The following GFRA1 variants were observed in gnomAD, a reference collection of about 807,000 sequenced individuals.
GFRA1 encodes the protein GDNF family receptor alpha-1.
Under a neutral mutation model 51.6 loss-of-function variants are expected in GFRA1, and 16 were observed. The observed-to-expected ratio is 0.31, with a 90% CI of 0.21 to 0.47. The LOEUF is 0.47. Ranked by LOEUF, GFRA1 falls within the 20% of genes least tolerant of loss-of-function variation. The probability of loss-of-function intolerance (pLI) is 1.00; values close to 1 mark genes in which losing one functional copy is unlikely to be tolerated. For synonymous variants in GFRA1, 270 were observed against 241.3 expected, an observed-to-expected ratio of 1.12 and a Z score of -1.10; for missense variants, 530 against 594.3, an observed-to-expected ratio of 0.89 and a Z score of 1.13.
chr10:116,161,370 G>A (rs1486059407), intron 5 of GFRA1, among the ~76,000 whole-genome samples: 1 of 152,134 alleles, frequency 6.6e-6, no homozygotes, highest in East Asian at 1.9e-4. Flanking sequence ...TTATGATGAG[G>A]ACCACCATGT....
At chr10:116,249,054 G>A (rs907212755) in intron 4 of GFRA1, among the ~76,000 whole-genome samples, 1 of 152,094 alleles carries the variant, frequency 6.6e-6, no homozygotes, top group Non-Finnish European at 1.5e-5. Context: ...CCGCCCCTTT[G>A]CCCCACACAA....
intron 6 of GFRA1, among the ~76,000 whole-genome samples, chr10:116,115,850 C>G (rs1013128404): frequency 2.0e-5 from 3 of 152,112 alleles, no homozygotes; most frequent in Non-Finnish European, 4.4e-5. Flanking sequence ...TTCACGAGTG[C>G]TAGCAGGAGG....
At chr10:116,072,311 C>T (rs533481488) in intron 9 of GFRA1, among the ~76,000 whole-genome samples, 7 of 152,216 alleles carry the variant, frequency 4.6e-5, no homozygotes, top group African/African-American at 1.2e-4. Flanking sequence ...TAGTGTGGCC[C>T]GTGGAGTGGG....
intron 5 of GFRA1, among the ~76,000 whole-genome samples, chr10:116,158,098 T>C (rs2134165375): frequency 6.6e-6 from 1 of 152,310 alleles, no homozygotes; most frequent in African/African-American, 2.4e-5. Context: ...TCAGGAATAG[T>C]CCCTGAACTG....
intron 5 of GFRA1, among the ~76,000 whole-genome samples, chr10:116,185,120 A>G (rs1286065929): frequency 6.6e-6 from 1 of 152,136 alleles, no homozygotes; most frequent in Non-Finnish European, 1.5e-5. Context: ...TGTAACATAC[A>G]GCATGGTGGT....
At chr10:116,147,309 G>A (rs187096134) in intron 5 of GFRA1, among the ~76,000 whole-genome samples, 1 of 152,160 alleles carries the variant, frequency 6.6e-6, no homozygotes, top group African/African-American at 2.4e-5. Flanking sequence ...GCCCTAGGGG[G>A]AGGGGAGTAG....
At chr10:116,177,220 C>A (rs545556181) in intron 5 of GFRA1, among the ~76,000 whole-genome samples, 3 of 152,276 alleles carry the variant, frequency 2.0e-5, no homozygotes, top group Non-Finnish European at 4.4e-5. Context: ...TCTGACTAGA[C>A]AATGACAGGA....
intron 5 of GFRA1, among the ~76,000 whole-genome samples, chr10:116,149,913 A>G (rs746530155): frequency 1.3e-5 from 2 of 152,200 alleles, no homozygotes; most frequent in African/African-American, 2.4e-5. Flanking sequence ...GCTCCTTCTT[A>G]GTATGTTCCA....
At chr10:116,161,808 TG>T (rs1359035055) in intron 5 of GFRA1, among the ~76,000 whole-genome samples, 1 of 152,244 alleles carries the variant, frequency 6.6e-6, no homozygotes, top group Non-Finnish European at 1.5e-5. Context: ...TACTCAGTCT[TG>T]GCTATGTTTT....
intron 5 of GFRA1, among the ~76,000 whole-genome samples, chr10:116,196,043 G>T (rs771012346): frequency 2.6e-5 from 4 of 152,046 alleles, no homozygotes; most frequent in Non-Finnish European, 5.9e-5. Context: ...TGGGATGTGG[G>T]GATGAATATC....
In GFRA1 at chr10:116,063,348, T is replaced by A. The variant is rs1165004867; in HGVS notation, c.*1050A>T. 6.6e-6 allele frequency: 1 copy of A among 152,248 alleles called. No individual in the cohort carries two copies. The highest frequency in any genetic ancestry group is 2.4e-5 in the African/African-American group (1 of 41,462). The allele number at this position is 152,248 out of a possible 1,614,324, so 9.4% of individuals were successfully genotyped here. On this transcript the variant is annotated 3_prime_UTR_variant, in exon 11 of 11. Transcript: ENST00000355422. ...TTCCTCCTGCCTGTCCACAGTCACA[T>A]GATGCAGAACTTTCTGCTACAGCAC...
intron 4 of GFRA1, among the ~76,000 whole-genome samples, chr10:116,221,069 A>G (rs1163154586): frequency 6.6e-6 from 1 of 152,158 alleles, no homozygotes; most frequent in African/African-American, 2.4e-5. Flanking sequence ...TATTAATATT[A>G]ATAATAACTA....
chr10:116,184,968 C>A (rs1001561241), intron 5 of GFRA1, among the ~76,000 whole-genome samples: 7 of 152,116 alleles, frequency 4.6e-5, no homozygotes, highest in African/African-American at 1.7e-4. Flanking sequence ...CACCTCTGTT[C>A]CTCAAAATAC....
At chr10:116,166,167 G>A (rs1307647456) in intron 5 of GFRA1, among the ~76,000 whole-genome samples, 1 of 152,170 alleles carries the variant, frequency 6.6e-6, no homozygotes, top group African/African-American at 2.4e-5. Context: ...CATGGTATAT[G>A]TGTACAACAT....
chr10:116,159,200 C>T (rs1301041367), intron 5 of GFRA1, among the ~76,000 whole-genome samples: 1 of 152,110 alleles, frequency 6.6e-6, no homozygotes, highest in Non-Finnish European at 1.5e-5. Context: ...CCTAGTAGAC[C>T]ACTTTAGTTA....
intron 9 of GFRA1, among the ~76,000 whole-genome samples, chr10:116,088,451 A>G (rs1289513926): frequency 6.6e-6 from 1 of 152,128 alleles, no homozygotes; most frequent in Non-Finnish European, 1.5e-5. Flanking sequence ...AAAATCACAG[A>G]AAGAACGAGG....
chr10:116,256,983 CCTGAGCCCAGGA>C (rs772802869), intron 4 of GFRA1, among the ~76,000 whole-genome samples: 53,510 of 151,698 alleles, frequency 0.35, 9,540 homozygotes, highest in Non-Finnish European at 0.4. Flanking sequence ...AGAAGTCCAC[CCTGAGCCCAGGA>C]CAAAAGGCAG....
chr10:116,249,258 G>C (rs1968119130), intron 4 of GFRA1, among the ~76,000 whole-genome samples: 1 of 152,152 alleles, frequency 6.6e-6, no homozygotes, highest in South Asian at 2.1e-4. Context: ...CTACAGCCAA[G>C]TACTCAGTCC....
intron 4 of GFRA1, among the ~76,000 whole-genome samples, chr10:116,260,325 T>C (rs1390813480): frequency 2.0e-5 from 3 of 152,180 alleles, no homozygotes; most frequent in African/African-American, 7.2e-5. Context: ...TATTTTATCA[T>C]ATCCACACTT....
Sources: allele counts gnomAD v4.1 joint callset (sites outside exome capture counted in the v4.1 genomes callset), GRCh38; gene constraint gnomAD v4.1.1; transcripts MANE v1.5; gene names NCBI Gene and HGNC (gene_info 2026-07-23, HGNC 2026-07-21).